The following TP53I13 variants were observed in gnomAD, a reference collection of about 807,000 sequenced individuals.
TP53I13 encodes tumor protein p53 inducible protein 13, also known as tumor protein p53-inducible protein 13.
Under a neutral mutation model 39.1 loss-of-function variants are expected in TP53I13, and 27 were observed. The observed-to-expected ratio is 0.69, with a 90% CI of 0.51 to 0.95. The LOEUF (loss-of-function observed/expected upper bound fraction) is 0.95, where lower values mean the gene tolerates loss of function less well. TP53I13 is among the 40% of genes least tolerant of loss of function. The pLI, the probability that TP53I13 is intolerant of heterozygous loss-of-function variation, is 0.00. For synonymous variants in TP53I13, 230 were observed against 224.6 expected, an observed-to-expected ratio of 1.02 and a Z score of -0.22; for missense variants, 544 against 520.4, an observed-to-expected ratio of 1.05 and a Z score of -0.44.
chr17:29,570,408 TGAGGCAGGAGAATTGCTTGAGCCCAG>T (rs1339385855), intron 3 of TP53I13: 1 of 151,130 alleles, frequency 6.6e-6, no homozygotes, highest in Non-Finnish European at 1.5e-5. Flanking sequence ...CTTGGGAGGC[TGAGGCAGGAGAATTGCTTGAGCCCAG>T]GAGGCAGAGG....
the TP53I13 span, among the ~76,000 whole-genome samples, chr17:29,580,538 T>A: frequency 6.6e-6 from 1 of 152,038 alleles, no homozygotes; most frequent in Admixed American, 6.5e-5. Flanking sequence ...GCAGGGGGTG[T>A]CCCACACTGC....
the TP53I13 span, chr17:29,581,292 A>G: frequency 1.3e-6 from 2 of 1,497,218 alleles, no homozygotes; most frequent in Non-Finnish European, 1.9e-6. The surrounding 1 kb of genome is among the most constrained non-coding windows in gnomAD (Gnocchi z 4.8). Flanking sequence ...AGCCACCCAC[A>G]TGGCATCCAA....
the TP53I13 span, chr17:29,579,265 T>G: frequency 4.0e-6 from 2 of 505,402 alleles, no homozygotes; most frequent in Non-Finnish European, 7.1e-6. Flanking sequence ...GCTCCCCAGG[T>G]TCCTCAATCA....
Position 29,571,871 on chromosome 17 carries a change from T to C in TP53I13, c.327T>C (p.Thr109=), listed in dbSNP as rs554689063. Residue 109 remains threonine (T), a synonymous_variant, in exon 5 of 7, where the codon ACT becomes ACC. Transcript: ENST00000301057. ...SLTQDRPLVL[T]AWGLALEMAW... ...TCCTCTCGTAGCCCCTGGTGCTGAC[T>C]GCATGGGGGCTGGCGCTGGAGATGG... is the stretch of plus-strand genomic sequence containing the variant. 6.2e-7 allele frequency: 1 copy of C among 1,613,260 alleles called. No homozygotes were observed. Among genetic ancestry groups the C allele is most frequent in the East Asian group, 2.2e-5 (1 of 44,882 alleles).
chr17:29,568,736 GGCCGGGCCC>G lies in TP53I13; in HGVS notation c.-21_-13del, dbSNP rs2032800848. 2 of 1,496,954 alleles carry G rather than the reference GGCCGGGCCC, an allele frequency of 1.3e-6. No individual in the cohort carries two copies. The highest frequency in any genetic ancestry group is 1.8e-6 in the Non-Finnish European group (2 of 1,131,466). 92.7% of individuals were successfully genotyped at this position (1,496,954 alleles called of 1,614,324 possible). On this transcript the variant is annotated 5_prime_UTR_variant, in exon 1 of 7. Transcript: ENST00000301057. The surrounding 1 kb of genome is among the most constrained non-coding windows in gnomAD (Gnocchi z 4.5). The stretch of plus-strand genomic sequence containing the variant: ...TCGCTGGCGGAGCGGCTGGGCGGCG[GGCCGGGCCC>G]GGGGCCGCTTGGAATGGCGCCTCCT...
chr17:29,568,733 G>C lies in TP53I13; in HGVS notation c.-26G>C. Reference sequence around the variant, plus strand: ...CCCTCGCTGGCGGAGCGGCTGGGCGGCGGGCCGGGCCCGGGGCCGCTTGGA... The same window carrying C: ...CCCTCGCTGGCGGAGCGGCTGGGCGCCGGGCCGGGCCCGGGGCCGCTTGGA... On this transcript the variant is annotated 5_prime_UTR_variant, in exon 1 of 7. Transcript: ENST00000301057. This position sits in a 1 kb window ranked among gnomAD's most constrained non-coding sequence, Gnocchi z 4.5. 2 of 1,458,024 alleles carry C rather than the reference G, an allele frequency of 1.4e-6. No individual in the cohort carries two copies. Among genetic ancestry groups the C allele is most frequent in the Non-Finnish European group, 1.8e-6 (2 of 1,111,102 alleles). 90.3% of individuals were successfully genotyped at this position (1,458,024 alleles called of 1,614,324 possible).
downstream of TP53I13, chr17:29,574,452 G>C (rs1040205335): frequency 1.1e-5 from 6 of 548,440 alleles, no homozygotes; most frequent in Non-Finnish European, 2.0e-5. Context: ...TGCTCACTAG[G>C]AGGGGGGAGA....
chr17:29,569,967 G>A (rs1266389070), intron 3 of TP53I13: 1 of 151,872 alleles, frequency 6.6e-6, no homozygotes, highest in Non-Finnish European at 1.5e-5. Context: ...GCCCAGGCTG[G>A]AGTGCAGTGG....
downstream of TP53I13, chr17:29,575,979 C>A: frequency 2.0e-6 from 3 of 1,531,526 alleles, no homozygotes; most frequent in Non-Finnish European, 2.7e-6. The surrounding 1 kb of genome is among the most constrained non-coding windows in gnomAD (Gnocchi z 5.5). Context: ...GGGACCAGGT[C>A]AGTCTAATCA....
chr17:29,566,483 C>T (rs776334497), upstream of TP53I13: 12 of 1,611,966 alleles, frequency 7.4e-6, 1 homozygote, highest in South Asian at 7.7e-5. Context: ...TTGGGGATCA[C>T]CAGAAGCACC....
the TP53I13 span, among the ~76,000 whole-genome samples, chr17:29,580,093 C>G: frequency 6.6e-6 from 1 of 152,200 alleles, no homozygotes; most frequent in Non-Finnish European, 1.5e-5. Context: ...TGCACTCCCC[C>G]ATGAGGACTA....
upstream of TP53I13, among the ~76,000 whole-genome samples, chr17:29,567,763 G>T (rs533275568): frequency 6.6e-6 from 1 of 152,300 alleles, no homozygotes; most frequent in South Asian, 2.1e-4. This position sits in a 1 kb window ranked among gnomAD's most constrained non-coding sequence, Gnocchi z 6.6. Context: ...GACACACTCA[G>T]GCGCCCTGCG....
chr17:29,576,326 C>T (rs1462754291), downstream of TP53I13: 2 of 1,613,262 alleles, frequency 1.2e-6, no homozygotes, highest in Non-Finnish European at 8.5e-7. Flanking sequence ...CTGGCGATCC[C>T]TGCGGTGTGT....
upstream of TP53I13, chr17:29,566,469 C>A: frequency 1.2e-6 from 2 of 1,612,196 alleles, no homozygotes; most frequent in Non-Finnish European, 1.7e-6. Flanking sequence ...GGCGACCCCA[C>A]GCATTGGGGA....
chr17:29,566,999 C>A, upstream of TP53I13: 10 of 1,275,008 alleles, frequency 7.8e-6, no homozygotes, highest in Non-Finnish European at 8.9e-6. Flanking sequence ...GGGCAGCGGG[C>A]GGCGGGGCCG....
At chr17:29,571,528 A>T in intron 3 of TP53I13, 63 bp from the exon 4 acceptor site, 1 of 1,601,790 alleles carries the variant, frequency 6.2e-7, no homozygotes, top group Non-Finnish European at 8.5e-7. Flanking sequence ...CCTGGATGGG[A>T]GAACTTGAGA....
At position 29,572,493 on chromosome 17, in the gene TP53I13, C is replaced by T. The variant is rs761748301; in HGVS notation, c.865C>T (p.Pro289Ser). 6.2e-7 allele frequency: 1 copy of T among 1,602,828 alleles called. No homozygotes were observed. The highest frequency in any genetic ancestry group is 8.5e-7 in the Non-Finnish European group (1 of 1,174,552). The change falls in exon 6 of 7, where the codon CCG becomes TCG. Residue 289 changes from proline to serine, a missense_variant. Physicochemically the swap from Pro to Ser is moderately conservative, Grantham distance 74. Transcript: ENST00000301057. ...CTGTGTCTGTTCAAGTCAGGCTTCC[C>T]CGGCCCCTCGCGCAGCAGCGCCTCC... Reference protein sequence around the residue: ...GGCVCSSQASPAPRAAAPPRA... With the variant: ...GGCVCSSQASSAPRAAAPPRA...
chr17:29,570,207 G>GAAAT (rs1382340966), intron 3 of TP53I13, among the ~76,000 whole-genome samples: 2 of 135,336 alleles, frequency 1.5e-5, no homozygotes, highest in African/African-American at 5.4e-5. Flanking sequence ...TGCCTGGCCT[G>GAAAT]AAATACCTAA....
chr17:29,566,429 G>A (rs1187624165), upstream of TP53I13: 2 of 1,612,250 alleles, frequency 1.2e-6, no homozygotes, highest in East Asian at 2.2e-5. Flanking sequence ...TCCAGGGCGA[G>A]CAAGCAAAGG....
Sources: gnomAD v4.1 joint callset for allele counts (sites outside exome capture counted in the v4.1 genomes callset) on GRCh38, gnomAD v4.1.1 for gene constraint, Gnocchi (gnomAD v3.1) non-coding constraint, MANE v1.5 for transcripts, NCBI Gene and HGNC (gene_info 2026-07-23, HGNC 2026-07-21) for gene names.